TM4SF4: variants seen among roughly 807,000 people sequenced by gnomAD.
The protein encoded by TM4SF4 is transmembrane 4 L6 family member 4.
TM4SF4 carries 24 observed loss-of-function variants against 24.1 expected under a neutral mutation model. The observed-to-expected ratio is 1.00, with a 90% CI of 0.72 to 1.40. TM4SF4 has a LOEUF of 1.40. Ranked by LOEUF, TM4SF4 falls within the 40% of genes most tolerant of loss-of-function variation. TM4SF4 has a pLI of 0.00. For synonymous variants in TM4SF4, 113 were observed against 97.0 expected, an observed-to-expected ratio of 1.17 and a Z score of -0.97; for missense variants, 254 against 254.2, an observed-to-expected ratio of 1.00 and a Z score of 0.01.
chr3:149,495,468 C>A, intron 3 of TM4SF4: 3 of 426,960 alleles, frequency 7.0e-6, no homozygotes, highest in South Asian at 6.4e-5. Flanking sequence ...GCATGGTGGT[C>A]ACCTTTGCTC....
At chr3:149,493,035 C>T (rs1357432446) in intron 3 of TM4SF4, among the ~76,000 whole-genome samples, 1 of 152,188 alleles carries the variant, frequency 6.6e-6, no homozygotes, top group African/African-American at 2.4e-5. Flanking sequence ...CAGCAACATC[C>T]ACCTCACAGG....
chr3:149,480,662 C>G (rs184728341), intron 2 of TM4SF4, among the ~76,000 whole-genome samples: 102 of 152,218 alleles, frequency 6.7e-4, no homozygotes, highest in Admixed American at 1.0e-3. Flanking sequence ...AGGCCAAAAG[C>G]ATCCCTAATC....
At chr3:149,498,027 A>T (rs894915498) in intron 3 of TM4SF4, among the ~76,000 whole-genome samples, 19 of 152,224 alleles carry the variant, frequency 1.2e-4, no homozygotes, top group Non-Finnish European at 2.1e-4. Context: ...CAGCTTATGT[A>T]AAACATGTAT....
intron 2 of TM4SF4, among the ~76,000 whole-genome samples, chr3:149,484,844 G>T (rs1426111028): frequency 2.6e-5 from 4 of 152,140 alleles, no homozygotes. Context: ...GAGCCACCAC[G>T]CTAGGCCTAG....
chr3:149,493,943 TGAG>T lies in TM4SF4; in HGVS notation c.402-4778_402-4776del, dbSNP rs1477442604. On this transcript the variant is annotated intron_variant, in intron 3 of 4. Transcript: ENST00000305354. Reference sequence around the variant, plus strand: ...AGGCCCCCTGGTTTCTGTCTTCAGCTGAGAAGAGAGTTCTGTGAAATTCGTGCC... The same window carrying T: ...AGGCCCCCTGGTTTCTGTCTTCAGCTAAGAGAGTTCTGTGAAATTCGTGCC... 2.6e-5 allele frequency among the ~76,000 whole-genome samples: 4 copies of T among 152,344 alleles called. No individual in the cohort carries two copies. The East Asian group carries it at 7.7e-4, about 29-fold the overall frequency.
intron 2 of TM4SF4, among the ~76,000 whole-genome samples, chr3:149,484,211 A>G (rs1391956942): frequency 6.6e-6 from 1 of 152,316 alleles, no homozygotes; most frequent in Admixed American, 6.5e-5. Context: ...TGAATACAAC[A>G]TTTATGTGTC....
At chr3:149,479,366 C>CTTTTTTTTTTT (rs62958360) in intron 2 of TM4SF4, among the ~76,000 whole-genome samples, 1 of 139,256 alleles carries the variant, frequency 7.2e-6, no homozygotes, top group Non-Finnish European at 1.5e-5. Flanking sequence ...CTTTTCTTTT[C>CTTTTTTTTTTT]TTTTTTTTTT....
In TM4SF4 at chr3:149,487,629, C is replaced by G. The variant is rs1170865025; in HGVS notation, c.275C>G (p.Ser92Cys). 1.9e-6 allele frequency: 3 copies of G among 1,614,016 alleles called. No individual in the cohort carries two copies. Among genetic ancestry groups the G allele is most frequent in the Non-Finnish European group, 8.5e-7 (1 of 1,179,884 alleles). Residue 92 changes from serine to cysteine, a missense_variant, in exon 3 of 5, where the codon TCC becomes TGC. Physicochemically the swap from Ser to Cys is moderately radical, Grantham distance 112 (BLOSUM62 -1). Coordinates refer to ENST00000305354, the MANE Select transcript of TM4SF4 (RefSeq NM_004617.4). ...CTTCCTCTCTTTCAGATGTTCACCT[C>G]CACGATATTTGCTGTGGTTGGATTC... ...GCGKRFAMFT[S>C]TIFAVVGFLG...
intron 3 of TM4SF4, 52 bp from the exon 4 acceptor site, chr3:149,498,670 G>A: frequency 6.5e-7 from 1 of 1,536,198 alleles, no homozygotes; most frequent in South Asian, 1.1e-5. Flanking sequence ...TCTAGTGGAG[G>A]GAATTGCACA....
intron 2 of TM4SF4, among the ~76,000 whole-genome samples, chr3:149,484,804 G>A (rs1734089450): frequency 6.6e-6 from 1 of 152,034 alleles, no homozygotes; most frequent in Admixed American, 6.6e-5. Flanking sequence ...CACCAGCCTC[G>A]GCCCCGCAAA....
chr3:149,500,023 C>A (rs1317827893), intron 4 of TM4SF4, among the ~76,000 whole-genome samples: 1 of 152,148 alleles, frequency 6.6e-6, no homozygotes, highest in Non-Finnish European at 1.5e-5. Context: ...TTCTATCCAG[C>A]CAGTTCCCTC....
chr3:149,483,827 C>T (rs551505617), intron 2 of TM4SF4, among the ~76,000 whole-genome samples: 213 of 152,296 alleles, frequency 1.4e-3, no homozygotes, highest in African/African-American at 5.0e-3. Flanking sequence ...GTCGCCCATA[C>T]TGGAGTGCAG....
rs1383709050 is a variant in TM4SF4 at position 149,501,016 on chromosome 3, C to T, written c.592-1660C>T. On this transcript the variant is annotated intron_variant, in intron 4 of 4. Coordinates refer to ENST00000305354, the MANE Select transcript of TM4SF4 (RefSeq NM_004617.4). Reference sequence around the variant, plus strand: ...TGCACCCTGGATAACAGAACAAGACCTTTCCAAAAAAAAAAAAAAAAGAGA... The same window carrying T: ...TGCACCCTGGATAACAGAACAAGACTTTTCCAAAAAAAAAAAAAAAAGAGA... 4.4e-5 allele frequency among the ~76,000 whole-genome samples: 3 copies of T among 68,004 alleles called. No individual in the cohort carries two copies. The Admixed American group carries it at 4.9e-4, about 11-fold the overall frequency. 44.6% of individuals were successfully genotyped at this position (68,004 alleles called of 152,430 possible).
At chr3:149,475,170 C>A in intron 1 of TM4SF4, 119 bp downstream of exon 1, 1 of 1,133,682 alleles carries the variant, frequency 8.8e-7, no homozygotes, top group Non-Finnish European at 1.2e-6. Flanking sequence ...TCAAGCATTG[C>A]ATGGTGAGAG....
At chr3:149,482,602 G>A (rs1356129460) in intron 2 of TM4SF4, among the ~76,000 whole-genome samples, 2 of 152,138 alleles carry the variant, frequency 1.3e-5, no homozygotes, top group Non-Finnish European at 2.9e-5. Context: ...GAAGTGCAGT[G>A]GTGCAATCTC....
chr3:149,496,823 G>C (rs1576522724), intron 3 of TM4SF4, among the ~76,000 whole-genome samples: 1 of 151,768 alleles, frequency 6.6e-6, no homozygotes, highest in Non-Finnish European at 1.5e-5. Context: ...TGTCATCTCA[G>C]TGAATTCTCA....
chr3:149,477,999 A>T (rs1424337143), intron 2 of TM4SF4, among the ~76,000 whole-genome samples: 1 of 152,130 alleles, frequency 6.6e-6, no homozygotes, highest in Non-Finnish European at 1.5e-5. Context: ...AAAATAAGGG[A>T]TCTTTTGTTT....
Position 149,498,838 on chromosome 3 carries a change from T to C in TM4SF4, c.518T>C (p.Leu173Pro). The change falls in exon 4 of 5, where the codon CTC becomes CCC. Residue 173 changes from leucine to proline, a missense_variant. Coordinates refer to ENST00000305354, the MANE Select transcript of TM4SF4 (RefSeq NM_004617.4). ...LLVVGGIQMV[L>P]CAIQVVNGLL... ...GTCGTAGGAGGAATCCAGATGGTTCTCTGCGCCATCCAGGTGGTCAATGGC... is the reference window on the plus strand; with the variant it reads ...GTCGTAGGAGGAATCCAGATGGTTCCCTGCGCCATCCAGGTGGTCAATGGC... The C allele has an allele frequency of 6.2e-7, 1 of 1,614,024 alleles. No homozygotes were observed.
intron 1 of TM4SF4, among the ~76,000 whole-genome samples, chr3:149,475,403 T>A (rs892621119): frequency 1.3e-5 from 2 of 152,068 alleles, no homozygotes; most frequent in African/African-American, 4.8e-5. Context: ...GAAAAGCAAA[T>A]TGACTTAAAA....
Sources: allele counts gnomAD v4.1 joint callset (sites outside exome capture counted in the v4.1 genomes callset), GRCh38; gene constraint gnomAD v4.1.1; transcripts MANE v1.5; gene names NCBI Gene and HGNC (gene_info 2026-07-23, HGNC 2026-07-21).